The following CTNNA2 variants were observed in gnomAD, a reference collection of about 807,000 sequenced individuals.
CTNNA2 encodes catenin alpha 2.
CTNNA2 carries 42 observed loss-of-function variants against 101.0 expected under a neutral mutation model. The observed-to-expected ratio is 0.42, with a 90% CI of 0.32 to 0.54. The LOEUF is 0.54. Ranked by LOEUF, CTNNA2 falls within the 20% of genes least tolerant of loss-of-function variation. The pLI is 0.14. For missense variants in CTNNA2, 871 were observed against 1,223.1 expected (o/e 0.71, Z 4.29); for synonymous variants, 450 against 456.4 (o/e 0.99, Z 0.18).
intron 7 of CTNNA2, among the ~76,000 whole-genome samples, chr2:80,201,758 G>A (rs975213406): frequency 6.6e-6 from 1 of 152,144 alleles, no homozygotes; most frequent in Non-Finnish European, 1.5e-5. Flanking sequence ...GACTAATCTT[G>A]TAGTTAATGT....
At chr2:79,900,040 A>G (rs1476071446) in intron 6 of CTNNA2, among the ~76,000 whole-genome samples, 1 of 152,028 alleles carries the variant, frequency 6.6e-6, no homozygotes, top group Non-Finnish European at 1.5e-5. Flanking sequence ...TGATTTAGAC[A>G]CCTCGGTTAA....
Position 80,158,291 on chromosome 2 carries a change from A to G in CTNNA2, c.1057-234920A>G, listed in dbSNP as rs1271446868. ...ACACCCCCTTAAAGAGTTTTGAAAT[A>G]CCATGTACTGTCTCATACATTTTAA... On this transcript the variant is annotated intron_variant, in intron 7 of 18. Transcript: ENST00000402739. Among the ~76,000 whole-genome samples the G allele has an allele frequency of 2.0e-5, 3 of 152,206 alleles. No homozygotes were observed. In the East Asian group the frequency reaches 5.8e-4, roughly 29 times the overall value.
chr2:79,872,877 C>A (rs1468687120), intron 5 of CTNNA2, among the ~76,000 whole-genome samples: 1 of 152,140 alleles, frequency 6.6e-6, no homozygotes, highest in Non-Finnish European at 1.5e-5. Context: ...ACACAGCTGG[C>A]AATCCTGCAT....
intron 7 of CTNNA2, among the ~76,000 whole-genome samples, chr2:79,996,939 T>C (rs1046829263): frequency 6.6e-6 from 1 of 152,022 alleles, no homozygotes; most frequent in African/African-American, 2.4e-5. Flanking sequence ...CAGAGATGAC[T>C]AAGCAGAAAA....
intron 7 of CTNNA2, among the ~76,000 whole-genome samples, chr2:80,362,002 C>G (rs1291768504): frequency 1.3e-5 from 2 of 152,124 alleles, no homozygotes; most frequent in African/African-American, 4.8e-5. Flanking sequence ...CACCATTTGT[C>G]ACACACAGTT....
At chr2:79,676,623 G>T (rs1464954285) in intron 2 of CTNNA2, among the ~76,000 whole-genome samples, 1 of 151,978 alleles carries the variant, frequency 6.6e-6, no homozygotes, top group East Asian at 1.9e-4. Flanking sequence ...TGCCCCCTAT[G>T]GCCTCTGCCT....
At chr2:79,949,889 A>G (rs1315541668) in intron 7 of CTNNA2, among the ~76,000 whole-genome samples, 1 of 152,232 alleles carries the variant, frequency 6.6e-6, no homozygotes, top group Non-Finnish European at 1.5e-5. Context: ...TTTGAATACC[A>G]TCAGCCAGAT....
chr2:79,909,511 G>C, intron 6 of CTNNA2, 83 bp from the exon 7 acceptor site: 1 of 1,161,154 alleles, frequency 8.6e-7, no homozygotes, highest in Non-Finnish European at 1.2e-6. Flanking sequence ...TCTTGCCTCA[G>C]ATATTTCTGG....
At chr2:80,480,053 C>A (rs935903749) in intron 9 of CTNNA2, among the ~76,000 whole-genome samples, 2 of 152,120 alleles carry the variant, frequency 1.3e-5, no homozygotes, top group Non-Finnish European at 2.9e-5. Flanking sequence ...CTTTTCCTTA[C>A]ATAATTTTCT....
intron 7 of CTNNA2, among the ~76,000 whole-genome samples, chr2:80,170,754 A>T (rs1705003353): frequency 6.6e-6 from 1 of 152,216 alleles, no homozygotes; most frequent in South Asian, 2.1e-4. Context: ...GTAAATTTTT[A>T]AAAAGTAAGA....
intron 7 of CTNNA2, among the ~76,000 whole-genome samples, chr2:80,334,615 T>C (rs1177765196): frequency 6.6e-6 from 1 of 152,110 alleles, no homozygotes; most frequent in East Asian, 1.9e-4. Context: ...TAACATAGAG[T>C]CTTTGAATGT....
chr2:79,280,949 C>T (rs1345106418), intron 2 of CTNNA2, among the ~76,000 whole-genome samples: 2 of 152,070 alleles, frequency 1.3e-5, no homozygotes, highest in African/African-American at 2.4e-5. Flanking sequence ...TGTTTGCACT[C>T]TACATCTCCC....
chr2:79,863,971 A>G (rs1050555057), intron 4 of CTNNA2, among the ~76,000 whole-genome samples: 10 of 152,204 alleles, frequency 6.6e-5, no homozygotes, highest in African/African-American at 2.4e-4. Flanking sequence ...GTGCTGGAGA[A>G]GCTTCCTCTG....
intron 2 of CTNNA2, among the ~76,000 whole-genome samples, chr2:79,669,911 G>C (rs1682710377): frequency 1.3e-5 from 2 of 152,168 alleles, no homozygotes; most frequent in African/African-American, 4.8e-5. Flanking sequence ...CCTGTCAGTG[G>C]GACTGGCAGC....
chr2:79,969,863 T>C (rs1382661113), intron 7 of CTNNA2, among the ~76,000 whole-genome samples: 4 of 152,232 alleles, frequency 2.6e-5, no homozygotes, highest in Admixed American at 2.6e-4. Flanking sequence ...TTCTAAGATA[T>C]ATTCCATGCC....
chr2:79,254,555 G>A (rs982101549), intron 2 of CTNNA2, among the ~76,000 whole-genome samples: 1 of 152,192 alleles, frequency 6.6e-6, no homozygotes, highest in African/African-American at 2.4e-5. Flanking sequence ...TTCCCCAGAA[G>A]CAGATGCAGC....
intron 2 of CTNNA2, among the ~76,000 whole-genome samples, chr2:79,284,631 G>A (rs1675504844): frequency 6.7e-6 from 1 of 148,950 alleles, no homozygotes; most frequent in Admixed American, 6.7e-5. Context: ...TGGTGGATAA[G>A]CTTTTTGATG....
At chr2:79,745,663 T>C (rs1671594760) in intron 3 of CTNNA2, among the ~76,000 whole-genome samples, 1 of 152,206 alleles carries the variant, frequency 6.6e-6, no homozygotes, top group South Asian at 2.1e-4. Flanking sequence ...AAATACCTCA[T>C]ATAAGTGGAA....
At chr2:79,888,230 G>A (rs1684038226) in intron 6 of CTNNA2, among the ~76,000 whole-genome samples, 1 of 152,154 alleles carries the variant, frequency 6.6e-6, no homozygotes, top group African/African-American at 2.4e-5. Flanking sequence ...AGGGTGGTGA[G>A]TCAAGGCTGG....
Sources: gnomAD v4.1 joint callset for allele counts (sites outside exome capture counted in the v4.1 genomes callset) on GRCh38, gnomAD v4.1.1 for gene constraint, MANE v1.5 for transcripts, NCBI Gene and HGNC (gene_info 2026-07-23, HGNC 2026-07-21) for gene names.